The following RALGAPA2 variants were observed in gnomAD, a reference collection of about 807,000 sequenced individuals.
The protein encoded by RALGAPA2 is Ral GTPase activating protein catalytic subunit alpha 2.
In RALGAPA2, 139 loss-of-function variants were observed where a neutral mutation model predicts 230.4. The ratio of observed to expected loss-of-function variants is 0.60; its 90% CI spans 0.53 to 0.69. RALGAPA2 has a LOEUF of 0.69. Among genes scored for constraint, RALGAPA2 ranks in the 30% least tolerant of loss-of-function variants. The pLI is 0.00. For missense variants in RALGAPA2, 2,163 were observed against 2,276.0 expected (o/e 0.95, Z 1.01); for synonymous variants, 847 against 837.8 (o/e 1.01, Z -0.19).
intron 37 of RALGAPA2, among the ~76,000 whole-genome samples, chr20:20,441,271 T>G (rs1301413616): frequency 6.6e-6 from 1 of 152,228 alleles, no homozygotes; most frequent in African/African-American, 2.4e-5. Context: ...ATGAGGACCT[T>G]TTTCATAACA....
chr20:20,570,398 G>A (rs1362256604), intron 23 of RALGAPA2, among the ~76,000 whole-genome samples: 1 of 152,172 alleles, frequency 6.6e-6, no homozygotes, highest in African/African-American at 2.4e-5. Context: ...CAAAAGGTCT[G>A]TGTGTCTGCA....
intron 37 of RALGAPA2, among the ~76,000 whole-genome samples, chr20:20,463,404 A>G (rs138311694): frequency 0.013 from 1,981 of 152,320 alleles, 46 homozygotes; most frequent in African/African-American, 0.046. Context: ...CCCGCTTTTG[A>G]TAATATTAAG....
At chr20:20,628,841 C>T (rs1161465486) in intron 10 of RALGAPA2, among the ~76,000 whole-genome samples, 1 of 152,130 alleles carries the variant, frequency 6.6e-6, no homozygotes, top group Non-Finnish European at 1.5e-5. Context: ...CGTGTCTTGG[C>T]CTCTGCTCCT....
intron 31 of RALGAPA2, among the ~76,000 whole-genome samples, chr20:20,513,623 C>T (rs2062783279): frequency 6.6e-6 from 1 of 152,092 alleles, no homozygotes; most frequent in Non-Finnish European, 1.5e-5. Context: ...GTAATTTACC[C>T]TTCCACTGGG....
chr20:20,571,971 A>C (rs769117235), intron 21 of RALGAPA2, 25 bp from the exon 22 acceptor site: 10 of 1,506,424 alleles, frequency 6.6e-6, no homozygotes, highest in Non-Finnish European at 5.5e-6. Context: ...GGAGAATTTT[A>C]GGGTAGGTAA....
At position 20,509,323 on chromosome 20, in the gene RALGAPA2, C is replaced by A. The variant is rs577496027; in HGVS notation, c.4928+1931G>T. On this transcript the variant is annotated intron_variant, in intron 33 of 39. Coordinates refer to ENST00000202677, the MANE Select transcript of RALGAPA2 (RefSeq NM_020343.4). ...TTTAAAAAATTATTCAAATTCAAAT[C>A]TTTTACTGTCTCACCTGATAAGTCA... is the stretch of plus-strand genomic sequence containing the variant. 8.0e-4 allele frequency among the ~76,000 whole-genome samples: 122 copies of A among 152,300 alleles called. 1 individual carries two copies. Among genetic ancestry groups the A allele is most frequent in the African/African-American group, 2.8e-3 (117 of 41,572 alleles).
At chr20:20,670,633 A>G (rs1026076961) in intron 3 of RALGAPA2, among the ~76,000 whole-genome samples, 2 of 150,748 alleles carry the variant, frequency 1.3e-5, no homozygotes, top group African/African-American at 4.9e-5. Flanking sequence ...TAAGAGTCAT[A>G]ACCATAGTAA....
intron 3 of RALGAPA2, among the ~76,000 whole-genome samples, chr20:20,665,489 T>C (rs1192349252): frequency 6.6e-6 from 1 of 152,232 alleles, no homozygotes. Flanking sequence ...ATTTGGTATA[T>C]CCCGTTGGGT....
Position 20,554,238 on chromosome 20 carries a change from T to C in RALGAPA2, c.3157-7406A>G, listed in dbSNP as rs918773179. Among the ~76,000 whole-genome samples the C allele has an allele frequency of 7.2e-5, 11 of 152,228 alleles. No homozygotes were observed. In the East Asian group the frequency reaches 1.7e-3, roughly 24 times the overall value. Reference sequence around the variant, plus strand: ...TGCCTACCCTGGATATTTCAGCATATGGAATCTTACTATATATATGGCATT... The same window carrying C: ...TGCCTACCCTGGATATTTCAGCATACGGAATCTTACTATATATATGGCATT... On this transcript the variant is annotated intron_variant, in intron 23 of 39. Transcript: ENST00000202677.
chr20:20,436,447 T>C (rs1454215294), intron 37 of RALGAPA2, among the ~76,000 whole-genome samples: 1 of 152,208 alleles, frequency 6.6e-6, no homozygotes, highest in East Asian at 1.9e-4. Flanking sequence ...TATTCCTTCT[T>C]CCAATGCCAT....
chr20:20,438,695 TG>T (rs917331479), intron 37 of RALGAPA2, among the ~76,000 whole-genome samples: 15 of 152,206 alleles, frequency 9.9e-5, no homozygotes, highest in Non-Finnish European at 2.1e-4. Context: ...AGGGTCAAGC[TG>T]GGGTTGCCAG....
At chr20:20,484,398 G>A (rs1344726652) in intron 36 of RALGAPA2, among the ~76,000 whole-genome samples, 2 of 152,122 alleles carry the variant, frequency 1.3e-5, no homozygotes, top group Non-Finnish European at 2.9e-5. Context: ...GAACTCCATG[G>A]AGCACCAGCA....
Position 20,655,216 on chromosome 20 carries a change from C to T in RALGAPA2, c.271-1629G>A, listed in dbSNP as rs78555572. ...CCTACACACCAGACAACAGACTTCA[C>T]TCTTGAAAAATAAAATAAATATAAA... On this transcript the variant is annotated intron_variant, in intron 3 of 39. Transcript: ENST00000202677. Among the ~76,000 whole-genome samples the T allele has an allele frequency of 5.4e-3, 825 of 152,006 alleles. 7 individuals are homozygous for T. The highest frequency in any genetic ancestry group is 0.019 in the African/African-American group (786 of 41,418).
chr20:20,473,968 A>G (rs1003309995), intron 36 of RALGAPA2, among the ~76,000 whole-genome samples: 4 of 152,188 alleles, frequency 2.6e-5, no homozygotes, highest in African/African-American at 9.7e-5. Context: ...AAAATCCCTG[A>G]ATTTATTGAG....
At chr20:20,590,827 C>T (rs2065267038) in intron 17 of RALGAPA2, among the ~76,000 whole-genome samples, 1 of 152,150 alleles carries the variant, frequency 6.6e-6, no homozygotes, top group African/African-American at 2.4e-5. Context: ...CATCCTGCCT[C>T]CCTGCCTTCC....
intron 37 of RALGAPA2, among the ~76,000 whole-genome samples, chr20:20,443,260 C>T (rs1297118162): frequency 6.6e-6 from 1 of 152,196 alleles, no homozygotes; most frequent in African/African-American, 2.4e-5. Flanking sequence ...AAGGGGACTG[C>T]ATTCATTTCC....
intron 3 of RALGAPA2, among the ~76,000 whole-genome samples, chr20:20,662,397 G>A (rs893428773): frequency 5.9e-5 from 9 of 151,876 alleles, no homozygotes; most frequent in Non-Finnish European, 7.4e-5. Flanking sequence ...ATTGTGATTC[G>A]CATATAACAA....
Position 20,422,570 on chromosome 20 carries a change from CA to C in RALGAPA2, c.5496-10423del, listed in dbSNP as rs375505483. Among the ~76,000 whole-genome samples, 676 of 147,636 alleles carry C rather than the reference CA, an allele frequency of 4.6e-3. 8 individuals carry two copies. The highest frequency in any genetic ancestry group is 0.014 in the African/African-American group (571 of 40,306). The stretch of plus-strand genomic sequence containing the variant: ...TGGGCGACAGAATGAGACCCTGTCT[CA>C]AAAAAAAAATGCCCCCCAAAATGCC... On this transcript the variant is annotated intron_variant, in intron 37 of 39. Coordinates refer to ENST00000202677, the MANE Select transcript of RALGAPA2 (RefSeq NM_020343.4).
chr20:20,599,743 C>G (rs947842168), intron 16 of RALGAPA2, among the ~76,000 whole-genome samples: 3 of 152,142 alleles, frequency 2.0e-5, no homozygotes, highest in African/African-American at 7.2e-5. Context: ...AAGGCCAAGA[C>G]AGGCAAATCA....
Sources: gnomAD v4.1 joint callset for allele counts (sites outside exome capture counted in the v4.1 genomes callset) on GRCh38, gnomAD v4.1.1 for gene constraint, MANE v1.5 for transcripts, NCBI Gene and HGNC (gene_info 2026-07-23, HGNC 2026-07-21) for gene names.